IL10RB: variants seen among roughly 807,000 people sequenced by gnomAD.
IL10RB encodes interleukin 10 receptor subunit beta.
Under a neutral mutation model 38.7 loss-of-function variants are expected in IL10RB, and 30 were observed. That is an observed-to-expected ratio of 0.78 (90% CI 0.58 to 1.05). The LOEUF (loss-of-function observed/expected upper bound fraction) is 1.05, where lower values mean the gene tolerates loss of function less well. IL10RB is among the 50% of genes least tolerant of loss of function. The pLI is 0.00. For synonymous variants in IL10RB, 142 were observed against 145.9 expected, an observed-to-expected ratio of 0.97 and a Z score of 0.19; for missense variants, 328 against 397.1, an observed-to-expected ratio of 0.83 and a Z score of 1.48.
rs1171630034 is a variant in IL10RB, at chr21:33,296,784, C to T, written c.*427C>T. The stretch of plus-strand genomic sequence containing the variant: ...CCAATATGGTGAAACCCAGTCTCTA[C>T]TAAAAATACAAAAATTAGCTAGGCA... On this transcript the variant is annotated 3_prime_UTR_variant, in exon 7 of 7. Coordinates refer to ENST00000290200, the MANE Select transcript of IL10RB (RefSeq NM_000628.5). The T allele has an allele frequency of 2.9e-6, 1 of 349,642 alleles. No homozygotes were observed. The highest frequency in any genetic ancestry group is 5.6e-6 in the Non-Finnish European group (1 of 177,860). 21.7% of individuals were successfully genotyped at this position (349,642 alleles called of 1,614,324 possible).
At chr21:33,278,046 CAA>C (rs58709699) in intron 3 of IL10RB, among the ~76,000 whole-genome samples, 5,838 of 118,824 alleles carry the variant, frequency 0.049, 313 homozygotes, top group African/African-American at 0.14. Context: ...AAAAAAATAC[CAA>C]AAAAAAAAAA....
intron 6 of IL10RB, among the ~76,000 whole-genome samples, 187 bp downstream of exon 6, chr21:33,288,448 C>CAGGGAAGTCTG (rs3216134): frequency 0.41 from 62,041 of 151,210 alleles, 13,055 homozygotes; most frequent in Non-Finnish European, 0.45. Flanking sequence ...GTAACCATGT[C>CAGGGAAGTCTG]AGGTGAAGGA....
At chr21:33,267,371 C>CATTT (rs1223798257) in intron 1 of IL10RB, among the ~76,000 whole-genome samples, 1 of 151,994 alleles carries the variant, frequency 6.6e-6, no homozygotes, top group African/African-American at 2.4e-5. Context: ...ATGACTCGCA[C>CATTT]ATTTATATCT....
Position 33,296,611 on chromosome 21 carries a change from A to C in IL10RB, c.*254A>C. 1.6e-6 allele frequency: 1 copy of C among 630,712 alleles called. No homozygotes were observed. The highest frequency in any genetic ancestry group is 2.9e-6 in the Non-Finnish European group (1 of 340,158). 39.1% of individuals were successfully genotyped at this position (630,712 alleles called of 1,614,324 possible). ...TTCAGAAGTTGGCCACTGAGAGTGT[A>C]ATTTTCAGCCTTTTATATCACTAAA... On this transcript the variant is annotated 3_prime_UTR_variant, in exon 7 of 7. Coordinates refer to ENST00000290200, the MANE Select transcript of IL10RB (RefSeq NM_000628.5).
At chr21:33,270,782 C>T (rs2843982) in intron 2 of IL10RB, among the ~76,000 whole-genome samples, 98,277 of 151,060 alleles carry the variant, frequency 0.65, 32,214 homozygotes, top group East Asian at 0.74. Flanking sequence ...TCAAGCGATT[C>T]TCCTGCCTCA....
chr21:33,296,060 C>G (rs2082964550), intron 6 of IL10RB, 124 bp from the exon 7 acceptor site: 3 of 648,802 alleles, frequency 4.6e-6, no homozygotes, highest in Admixed American at 3.0e-5. Context: ...ATAAAATAAA[C>G]ATTAAAAATA....
rs1271530489 is a variant in IL10RB at position 33,279,753 on chromosome 21, C to T, written c.333C>T (p.Thr111=). The change falls in exon 4 of 7, where the codon ACC becomes ACT. Residue 111 remains threonine, a splice_region_variant and synonymous_variant. Transcript: ENST00000290200. The part of the protein sequence containing the change: ...VNITFCPVDD[T]IIGPPGMQVE... ...CATTTTGCTTGTTCTTCTGCTTAGC[C>T]ATTATTGGACCCCCTGGAATGCAAG... 6.2e-7 allele frequency: 1 copy of T among 1,613,076 alleles called. No individual in the cohort carries two copies. The highest frequency in any genetic ancestry group is 1.3e-5 in the African/African-American group (1 of 74,882).
intron 3 of IL10RB, among the ~76,000 whole-genome samples, chr21:33,277,585 C>G (rs8178476): frequency 6.6e-6 from 1 of 151,474 alleles, no homozygotes; most frequent in African/African-American, 2.4e-5. Context: ...CATGGTGGCT[C>G]ACGTCTATGA....
chr21:33,291,708 C>T (rs1412648495), intron 6 of IL10RB, among the ~76,000 whole-genome samples: 1 of 152,226 alleles, frequency 6.6e-6, no homozygotes, highest in Non-Finnish European at 1.5e-5. Context: ...AGGTTAGCTC[C>T]AGCCAGGATG....
At chr21:33,267,509 TGTTTTTTTG>T (rs1470770208) in intron 1 of IL10RB, among the ~76,000 whole-genome samples, 7 of 85,702 alleles carry the variant, frequency 8.2e-5, no homozygotes, top group Non-Finnish European at 1.7e-4. Context: ...TTTGTTTTTT[TGTTTTTTTG>T]TTTTTTTTTG....
intron 1 of IL10RB, 109 bp downstream of exon 1, chr21:33,266,623 GC>G: frequency 9.0e-7 from 1 of 1,115,490 alleles, no homozygotes; most frequent in Non-Finnish European, 1.3e-6. Flanking sequence ...AGCCTTCGGG[GC>G]CTCGGGAGAG....
chr21:33,293,801 G>A (rs1272972890), intron 6 of IL10RB, among the ~76,000 whole-genome samples: 2 of 60,268 alleles, frequency 3.3e-5, no homozygotes, highest in Admixed American at 1.6e-4. Context: ...AGTGAGACTC[G>A]ATCTCAAAAA....
chr21:33,268,428 A>G lies in IL10RB; in HGVS notation c.84A>G (p.Arg28=), dbSNP rs946412623. ...LGMVPPPENV[R]MNSVNFKNIL... is the part of the protein sequence containing the mutation. ...TGGTACCACCTCCCGAAAATGTCAG[A>G]ATGAATTCTGTTAATTTCAAGAACA... is the stretch of plus-strand genomic sequence containing the variant. The change falls in exon 2 of 7, where the codon AGA becomes AGG. Residue 28 remains arginine (R), a synonymous_variant. Transcript: ENST00000290200. 2 of 1,614,032 alleles carry G rather than the reference A, an allele frequency of 1.2e-6. No homozygotes were observed. The highest frequency in any genetic ancestry group is 2.7e-5 in the African/African-American group (2 of 74,936).
chr21:33,277,664 C>CTT (rs8178478), intron 3 of IL10RB, among the ~76,000 whole-genome samples: 1 of 129,160 alleles, frequency 7.7e-6, no homozygotes, highest in Non-Finnish European at 1.6e-5. Context: ...TTCTTTCTTT[C>CTT]TTTCTTTTTT....
Position 33,267,023 on chromosome 21 carries a change from G to T in IL10RB, c.49+509G>T, listed in dbSNP as rs1310999084. Among the ~76,000 whole-genome samples the T allele has an allele frequency of 2.0e-5, 3 of 152,020 alleles. No individual in the cohort carries two copies. The East Asian group carries it at 5.8e-4, about 29-fold the overall frequency. On this transcript the variant is annotated intron_variant, in intron 1 of 6. Coordinates refer to ENST00000290200, the MANE Select transcript of IL10RB (RefSeq NM_000628.5). The stretch of plus-strand genomic sequence containing the variant: ...TGCACCTCCCCTCCTTCCGGTTCAG[G>T]CCCGAGCACCCTGAAATCTGGATTC...
At position 33,296,382 on chromosome 21, in the gene IL10RB, C is replaced by T. The variant is rs772836914; in HGVS notation, c.*25C>T. ...GGCTCTGAGAAGGAAACACACTCGG[C>T]TGGGCACAGTGACGTACTCCATCTC... On this transcript the variant is annotated 3_prime_UTR_variant, in exon 7 of 7. Transcript: ENST00000290200. 16 of 1,608,886 alleles carry T rather than the reference C, an allele frequency of 9.9e-6. No individual in the cohort carries two copies. The South Asian group carries it at 1.8e-4, about 18-fold the overall frequency.
chr21:33,275,451 C>T (rs1384793271), intron 2 of IL10RB, among the ~76,000 whole-genome samples: 3 of 152,124 alleles, frequency 2.0e-5, no homozygotes, highest in Admixed American at 2.0e-4. Flanking sequence ...CCACCACACC[C>T]AGCCCCAACT....
chr21:33,305,912 A>G (rs985495999), intron 1 of IL10RB, among the ~76,000 whole-genome samples: 1 of 152,028 alleles, frequency 6.6e-6, no homozygotes, highest in African/African-American at 2.4e-5. Context: ...GCTCACTGCA[A>G]TCTCCACCTC....
chr21:33,271,853 G>T (rs1001150944), intron 2 of IL10RB, among the ~76,000 whole-genome samples: 2 of 152,130 alleles, frequency 1.3e-5, no homozygotes, highest in Non-Finnish European at 2.9e-5. Flanking sequence ...GTACTTTGGG[G>T]GGCCAAGGTA....
Sources: allele counts gnomAD v4.1 joint callset (sites outside exome capture counted in the v4.1 genomes callset), GRCh38; gene constraint gnomAD v4.1.1; transcripts MANE v1.5; gene names NCBI Gene and HGNC (gene_info 2026-07-23, HGNC 2026-07-21).